PCDHGA10: variants seen among roughly 807,000 people sequenced by gnomAD.
The protein encoded by PCDHGA10 is protocadherin gamma-A10.
PCDHGA10 carries 42 observed loss-of-function variants against 59.5 expected under a neutral mutation model. The observed-to-expected ratio is 0.71, with a 90% CI of 0.55 to 0.91. PCDHGA10 has a LOEUF of 0.91. PCDHGA10 is among the 40% of genes least tolerant of loss of function. The pLI is 0.00. For synonymous variants in PCDHGA10, 511 were observed against 517.2 expected (o/e 0.99, Z 0.16); for missense variants, 1,111 against 1,198.2 (o/e 0.93, Z 1.07).
intron 1 of PCDHGA10, chr5:141,478,822 T>C: frequency 4.2e-6 from 6 of 1,444,070 alleles, no homozygotes; most frequent in Non-Finnish European, 5.5e-6. Flanking sequence ...AACTAACCAA[T>C]CTTGCTAAGG....
intron 1 of PCDHGA10, chr5:141,433,186 G>A (rs753657435): frequency 1.4e-5 from 23 of 1,601,378 alleles, no homozygotes; most frequent in Non-Finnish European, 1.9e-5. Context: ...TAATTGAGGT[G>A]AGTTTATATC....
Position 141,491,458 on chromosome 5 carries a change from G to C in PCDHGA10, c.2437-3349G>C. 1 of 1,614,092 alleles carries C rather than the reference G, an allele frequency of 6.2e-7. No individual in the cohort carries two copies. The highest frequency in any genetic ancestry group is 8.5e-7 in the Non-Finnish European group (1 of 1,180,022). On this transcript the variant is annotated intron_variant, in intron 1 of 3. Coordinates refer to ENST00000398610, the MANE Select transcript of PCDHGA10 (RefSeq NM_018913.3). The surrounding 1 kb of genome is among the most constrained non-coding windows in gnomAD (Gnocchi z 6.9). Reference sequence around the variant, plus strand: ...CAGGCGCCAGGACTCACCCTCCCCGGACTTCTATAAGCAGTCCAGCCCCAA... The same window carrying C: ...CAGGCGCCAGGACTCACCCTCCCCGCACTTCTATAAGCAGTCCAGCCCCAA...
At position 141,433,401 on chromosome 5, in the gene PCDHGA10, A is replaced by C. The variant is rs181247960; in HGVS notation, c.2436+17790A>C. ...TATCTATCTATCTATCTATCTATCT[A>C]TCTATTACTTTCTTGTACAGACAGG... On this transcript the variant is annotated intron_variant, in intron 1 of 3. Transcript: ENST00000398610. Among the ~76,000 whole-genome samples, 679 of 150,596 alleles carry C rather than the reference A, an allele frequency of 4.5e-3. 8 individuals carry two copies. The highest frequency in any genetic ancestry group is 0.015 in the African/African-American group (630 of 40,956).
chr5:141,464,843 A>G lies in PCDHGA10; in HGVS notation c.2437-29964A>G, dbSNP rs183890796. On this transcript the variant is annotated intron_variant, in intron 1 of 3. Coordinates refer to ENST00000398610, the MANE Select transcript of PCDHGA10 (RefSeq NM_018913.3). Reference sequence around the variant, plus strand: ...AGCCTCGCACTCCTGGGCTCAAGCAATCCTCCTACCTTAGCCTCCCAAGTA... The same window carrying G: ...AGCCTCGCACTCCTGGGCTCAAGCAGTCCTCCTACCTTAGCCTCCCAAGTA... 1.5e-3 allele frequency among the ~76,000 whole-genome samples: 231 copies of G among 152,234 alleles called. 1 individual carries two copies. Among genetic ancestry groups the G allele is most frequent in the Non-Finnish European group, 2.3e-3 (159 of 68,018 alleles).
At chr5:141,460,787 C>T (rs1177595415) in intron 1 of PCDHGA10, among the ~76,000 whole-genome samples, 1 of 151,504 alleles carries the variant, frequency 6.6e-6, no homozygotes, top group Non-Finnish European at 1.5e-5. Context: ...TACATATATA[C>T]ACACAAAGTA....
In PCDHGA10 at chr5:141,491,511, C is replaced by G. The variant is rs777448782; in HGVS notation, c.2437-3296C>G. 6.2e-7 allele frequency: 1 copy of G among 1,614,080 alleles called. No individual in the cohort carries two copies. The highest frequency in any genetic ancestry group is 8.5e-7 in the Non-Finnish European group (1 of 1,180,018). ...TGCAGGTGAGCTCGGACGGCACGCT[C>G]AAGTACATGGAGGTGACGCTGCGGC... On this transcript the variant is annotated intron_variant, in intron 1 of 3. Transcript: ENST00000398610. This position sits in a 1 kb window ranked among gnomAD's most constrained non-coding sequence, Gnocchi z 6.9.
chr5:141,478,385 T>C (rs919846683), intron 1 of PCDHGA10: 1 of 1,613,628 alleles, frequency 6.2e-7, no homozygotes, highest in Non-Finnish European at 8.5e-7. Context: ...GCCGCACCTT[T>C]ACCATCAGGT....
chr5:141,423,078 C>A (rs752144906), intron 1 of PCDHGA10: 1 of 1,613,990 alleles, frequency 6.2e-7, no homozygotes, highest in Admixed American at 1.7e-5. Context: ...AGCCGGGACT[C>A]TTCGCGGTGG....
Position 141,413,570 on chromosome 5 carries a change from A to C in PCDHGA10, c.395A>C (p.Asp132Ala). Residue 132 changes from aspartate to alanine, a missense_variant, in exon 1 of 4, where the codon GAC (aspartate) becomes GCC (alanine). Physicochemically the swap from Asp to Ala is moderately radical, Grantham distance 126. Coordinates refer to ENST00000398610, the MANE Select transcript of PCDHGA10 (RefSeq NM_018913.3). ...GAAATAGAAGTAACTGATATCAATGACAATGCTCCAAAATTCCAAGCAGAA... is the reference window on the plus strand; with the variant it reads ...GAAATAGAAGTAACTGATATCAATGCCAATGCTCCAAAATTCCAAGCAGAA... ...GIEIEVTDIN[D>A]NAPKFQAENL... 6.2e-7 allele frequency: 1 copy of C among 1,613,930 alleles called. No individual in the cohort carries two copies.
intron 1 of PCDHGA10, among the ~76,000 whole-genome samples, chr5:141,472,980 C>CAAAAAAAAAAAAAAAAAGAAAAAAA (rs2099309731): frequency 1.2e-5 from 1 of 86,102 alleles, no homozygotes; most frequent in African/African-American, 3.9e-5. Flanking sequence ...GAGTGAAACT[C>CAAAAAAAAAAAAAAAAAGAAAAAAA]AAAAAAAAAA....
chr5:141,416,042 A>G (rs1024979061), intron 1 of PCDHGA10: 1 of 193,196 alleles, frequency 5.2e-6, no homozygotes, highest in African/African-American at 2.3e-5. Context: ...ACCTCTGGAA[A>G]CACAACCCAA....
intron 1 of PCDHGA10, chr5:141,421,255 C>A (rs759899934): frequency 1.9e-6 from 3 of 1,607,644 alleles, no homozygotes; most frequent in Non-Finnish European, 2.5e-6. Context: ...GCGCGGGGAC[C>A]GCAGTCGGCT....
chr5:141,424,699 G>A (rs185769714), intron 1 of PCDHGA10: 222 of 152,060 alleles, frequency 1.5e-3, no homozygotes, highest in African/African-American at 5.2e-3. Flanking sequence ...CTATTTTTTT[G>A]TTCATTTTCA....
At position 141,511,520 on chromosome 5, in the gene PCDHGA10, A is replaced by C; in HGVS notation, c.*347A>C. On this transcript the variant is annotated 3_prime_UTR_variant, in exon 4 of 4. Coordinates refer to ENST00000398610, the MANE Select transcript of PCDHGA10 (RefSeq NM_018913.3). Reference sequence around the variant, plus strand: ...CAAATCAATCAGGCCCATCCATCCCATGCCTCCCTCCTCCCCACCCCACTC... The same window carrying C: ...CAAATCAATCAGGCCCATCCATCCCCTGCCTCCCTCCTCCCCACCCCACTC... The C allele has an allele frequency of 2.8e-6, 1 of 358,498 alleles. No homozygotes were observed. Among genetic ancestry groups the C allele is most frequent in the Non-Finnish European group, 5.3e-6 (1 of 189,848 alleles). 22.2% of individuals were successfully genotyped at this position (358,498 alleles called of 1,614,324 possible).
At chr5:141,499,271 T>C (rs2099790752) in intron 2 of PCDHGA10, among the ~76,000 whole-genome samples, 1 of 152,180 alleles carries the variant, frequency 6.6e-6, no homozygotes, top group South Asian at 2.1e-4. Context: ...GTCCCTAGAC[T>C]GTTCTCTGAT....
chr5:141,502,446 C>T (rs541278139), intron 2 of PCDHGA10, among the ~76,000 whole-genome samples: 1 of 152,098 alleles, frequency 6.6e-6, no homozygotes, highest in South Asian at 2.1e-4. Context: ...ATTCAGATTA[C>T]ACACCTTGGT....
chr5:141,444,494 A>G (rs892854259), intron 1 of PCDHGA10, among the ~76,000 whole-genome samples: 1 of 152,010 alleles, frequency 6.6e-6, no homozygotes, highest in Admixed American at 6.6e-5. Flanking sequence ...ATATTGTGTA[A>G]TACTTTGCTC....
At chr5:141,495,153 T>G (rs2154591630) in intron 2 of PCDHGA10, among the ~76,000 whole-genome samples, 1 of 152,290 alleles carries the variant, frequency 6.6e-6, no homozygotes, top group East Asian at 1.9e-4. Flanking sequence ...AGGATGGTCT[T>G]AAGCTGGTCT....
chr5:141,450,555 C>T (rs958577638), intron 1 of PCDHGA10, among the ~76,000 whole-genome samples: 4 of 151,710 alleles, frequency 2.6e-5, no homozygotes, highest in East Asian at 1.9e-4. Flanking sequence ...GGCGCAGTCT[C>T]GGCTCACTGC....
Sources: gnomAD v4.1 joint callset for allele counts (sites outside exome capture counted in the v4.1 genomes callset) on GRCh38, gnomAD v4.1.1 for gene constraint, Gnocchi (gnomAD v3.1) non-coding constraint, MANE v1.5 for transcripts, NCBI Gene and HGNC (gene_info 2026-07-23, HGNC 2026-07-21) for gene names.